TMEM182: variants seen among roughly 807,000 people sequenced by gnomAD.
TMEM182 encodes the protein transmembrane protein 182.
Under a neutral mutation model 26.8 loss-of-function variants are expected in TMEM182, and 20 were observed. The observed-to-expected ratio is 0.75, with a 90% CI of 0.53 to 1.09. TMEM182 has a LOEUF of 1.09. Ranked by LOEUF, TMEM182 falls within the 50% of genes least tolerant of loss-of-function variation. The pLI is 0.00. For missense variants in TMEM182, 277 were observed against 275.5 expected, an observed-to-expected ratio of 1.01 and a Z score of -0.04; for synonymous variants, 109 against 102.2, an observed-to-expected ratio of 1.07 and a Z score of -0.40.
At chr2:102,796,504 A>G (rs73005328) in intron 3 of TMEM182, among the ~76,000 whole-genome samples, 2,313 of 152,360 alleles carry the variant, frequency 0.015, 63 homozygotes, top group African/African-American at 0.052. Flanking sequence ...GAGACTCACC[A>G]ATTGCCTAAT....
intron 3 of TMEM182, among the ~76,000 whole-genome samples, chr2:102,843,059 G>T (rs1683384040): frequency 6.6e-6 from 1 of 152,196 alleles, no homozygotes; most frequent in South Asian, 2.1e-4. Context: ...GTCATGGACA[G>T]GTAGTCACAT....
intron 1 of TMEM182, among the ~76,000 whole-genome samples, chr2:102,749,660 A>G (rs548053844): frequency 6.6e-6 from 1 of 152,332 alleles, no homozygotes; most frequent in South Asian, 2.1e-4. Context: ...TTGGAATCAT[A>G]AAAGTACATA....
At chr2:102,810,806 T>C (rs1682530044) in intron 4 of TMEM182, among the ~76,000 whole-genome samples, 2 of 152,208 alleles carry the variant, frequency 1.3e-5, no homozygotes, top group Admixed American at 1.3e-4. Context: ...AATTTAAATG[T>C]AATTTTATTT....
chr2:102,786,509 A>G (rs2732867), intron 3 of TMEM182, among the ~76,000 whole-genome samples: 82,757 of 152,012 alleles, frequency 0.54, 23,164 homozygotes, highest in African/African-American at 0.67. Context: ...CACCGCGTCC[A>G]GCCTGAGCTC....
chr2:102,767,546 C>T (rs1573508562), intron 3 of TMEM182, among the ~76,000 whole-genome samples: 1 of 152,250 alleles, frequency 6.6e-6, no homozygotes, highest in South Asian at 2.1e-4. Context: ...TTTTTGCCTT[C>T]TCAGTGTCCC....
chr2:102,769,659 T>A (rs1421737905), intron 3 of TMEM182, among the ~76,000 whole-genome samples: 5 of 152,232 alleles, frequency 3.3e-5, no homozygotes, highest in Non-Finnish European at 7.3e-5. Flanking sequence ...ATTCTATGTA[T>A]GTAGCATTTT....
chr2:102,828,060 C>G (rs1683073751), intron 3 of TMEM182, among the ~76,000 whole-genome samples: 1 of 152,172 alleles, frequency 6.6e-6, no homozygotes, highest in Non-Finnish European at 1.5e-5. Context: ...CACTGCACTC[C>G]AGCCTGGGCA....
intron 3 of TMEM182, among the ~76,000 whole-genome samples, chr2:102,776,317 GTTTA>G (rs1255580230): frequency 6.6e-6 from 1 of 152,100 alleles, no homozygotes; most frequent in African/African-American, 2.4e-5. Context: ...TCGGTGTACT[GTTTA>G]TTTATCCCTT....
At chr2:102,771,998 T>G (rs1680694969) in intron 3 of TMEM182, among the ~76,000 whole-genome samples, 2 of 152,184 alleles carry the variant, frequency 1.3e-5, no homozygotes, top group Admixed American at 6.5e-5. Context: ...TCCCAAAACT[T>G]CTAACCCAGG....
chr2:102,758,720 C>G (rs1369766277), upstream of TMEM182, among the ~76,000 whole-genome samples: 1 of 152,212 alleles, frequency 6.6e-6, no homozygotes, highest in Non-Finnish European at 1.5e-5. Context: ...TATTTTATTT[C>G]AGTGCCTGTT....
intron 1 of TMEM182, among the ~76,000 whole-genome samples, chr2:102,746,601 T>A (rs2540313): frequency 0.47 from 72,125 of 151,888 alleles, 17,836 homozygotes; most frequent in African/African-American, 0.61. Flanking sequence ...TTACTTATTT[T>A]TTTTTTCTCC....
rs201534618 is a variant in TMEM182 at position 102,762,630 on chromosome 2, G to C, written c.176G>C (p.Cys59Ser). 45 of 1,613,992 alleles carry C rather than the reference G, an allele frequency of 2.8e-5. No individual in the cohort carries two copies. The African/African-American group carries it at 5.2e-4, about 19-fold the overall frequency. The change falls in exon 2 of 5, where the codon TGT becomes TCT. Residue 59 changes from cysteine (C) to serine (S), a missense_variant. Transcript: ENST00000412401. ...CACCATGAAGGGTTCTTCTGGAGGT[G>C]TTGGTTTAATGGGATTGTGGAAGAG... ...TFHHEGFFWR[C>S]WFNGIVEEND... is the part of the protein sequence containing the mutation.
At chr2:102,787,062 A>C (rs990274416) in intron 3 of TMEM182, among the ~76,000 whole-genome samples, 5 of 152,100 alleles carry the variant, frequency 3.3e-5, no homozygotes, top group African/African-American at 1.2e-4. Context: ...GGGTATTCCA[A>C]CTCTTGAATA....
chr2:102,839,769 A>G (rs1025021215), intron 3 of TMEM182, among the ~76,000 whole-genome samples: 1 of 152,108 alleles, frequency 6.6e-6, no homozygotes, highest in African/African-American at 2.4e-5. Context: ...TTTGTTATCC[A>G]CCTGATGAAT....
At chr2:102,794,809 A>G (rs1681801346) in intron 3 of TMEM182, among the ~76,000 whole-genome samples, 1 of 152,016 alleles carries the variant, frequency 6.6e-6, no homozygotes, top group Admixed American at 6.6e-5. Context: ...GAGTTTGCTG[A>G]GTATCCTGTA....
intron 3 of TMEM182, among the ~76,000 whole-genome samples, chr2:102,842,926 A>T (rs964869869): frequency 6.6e-6 from 1 of 152,146 alleles, no homozygotes; most frequent in Non-Finnish European, 1.5e-5. Flanking sequence ...TGCTGATGAC[A>T]TACATGGAGG....
intron 3 of TMEM182, among the ~76,000 whole-genome samples, chr2:102,780,293 A>G (rs1239973468): frequency 6.6e-6 from 1 of 152,090 alleles, no homozygotes; most frequent in Non-Finnish European, 1.5e-5. Flanking sequence ...CCAGTGAAGG[A>G]AGGAGTAGGC....
chr2:102,802,447 A>C (rs903098156), intron 4 of TMEM182, among the ~76,000 whole-genome samples: 17 of 152,214 alleles, frequency 1.1e-4, no homozygotes, highest in African/African-American at 4.1e-4. Flanking sequence ...AGTTCTGGGC[A>C]AAGTGTAGTC....
At chr2:102,743,520 A>C in intron 1 of TMEM182, among the ~76,000 whole-genome samples, 1 of 152,146 alleles carries the variant, frequency 6.6e-6, no homozygotes, top group Non-Finnish European at 1.5e-5. Context: ...GAACAGAAAC[A>C]AAACAGAGAA....
Sources: allele counts gnomAD v4.1 joint callset (sites outside exome capture counted in the v4.1 genomes callset), GRCh38; gene constraint gnomAD v4.1.1; transcripts MANE v1.5; gene names NCBI Gene and HGNC (gene_info 2026-07-23, HGNC 2026-07-21).